The following CORO2B variants were observed in gnomAD, a reference collection of about 807,000 sequenced individuals.
CORO2B encodes coronin 2B.
In CORO2B, 26 loss-of-function variants were observed where a neutral mutation model predicts 58.8. The observed-to-expected ratio is 0.44, with a 90% confidence interval of 0.32 to 0.61. The LOEUF is 0.61. CORO2B is among the 20% of genes least tolerant of loss of function. CORO2B has a pLI of 0.04. For missense variants in CORO2B, 460 were observed against 645.1 expected (o/e 0.71, Z 3.11); for synonymous variants, 242 against 253.8 (o/e 0.95, Z 0.44).
In CORO2B at chr15:68,710,523, C is replaced by G. The variant is rs970268691; in HGVS notation, c.334-209C>G. 6.6e-6 allele frequency among the ~76,000 whole-genome samples: 1 copy of G among 152,202 alleles called. No homozygotes were observed. The highest frequency in any genetic ancestry group is 1.5e-5 in the Non-Finnish European group (1 of 68,028). The stretch of plus-strand genomic sequence containing the variant: ...TGCAGAGACTTCCCAGAGAAAACCT[C>G]CCACAGGCAGAGAGATGGTCTCCTT... On this transcript the variant is annotated intron_variant, in intron 3 of 11. Coordinates refer to ENST00000261861, the MANE Select transcript of CORO2B (RefSeq NM_006091.5). This position sits in a 1 kb window ranked among gnomAD's most constrained non-coding sequence, Gnocchi z 4.1.
At chr15:68,560,896 G>C in the CORO2B span, among the ~76,000 whole-genome samples, 1 of 152,304 alleles carries the variant, frequency 6.6e-6, no homozygotes, top group African/African-American at 2.4e-5. Context: ...CGATCTTGTG[G>C]GGACTTGTGC....
At chr15:68,587,555 T>G (rs1047066034) in intron 1 of CORO2B, among the ~76,000 whole-genome samples, 1 of 152,198 alleles carries the variant, frequency 6.6e-6, no homozygotes, top group South Asian at 2.1e-4. Context: ...GAAATACCAA[T>G]TTAATAGTAG....
At chr15:68,547,366 G>A in the CORO2B span, among the ~76,000 whole-genome samples, 1 of 152,152 alleles carries the variant, frequency 6.6e-6, no homozygotes, top group Non-Finnish European at 1.5e-5. Context: ...AATAGAGCAA[G>A]AAAGTTTATA....
chr15:68,683,195 C>G (rs1159613996), intron 2 of CORO2B, among the ~76,000 whole-genome samples: 1 of 152,194 alleles, frequency 6.6e-6, no homozygotes, highest in South Asian at 2.1e-4. Context: ...AGGCCACCCC[C>G]AGTTGGGATA....
At chr15:68,678,174 G>A (rs1902650453) in intron 2 of CORO2B, among the ~76,000 whole-genome samples, 1 of 152,236 alleles carries the variant, frequency 6.6e-6, no homozygotes, top group Admixed American at 6.5e-5. Context: ...AACACTGGCG[G>A]GGTTAGGACC....
chr15:68,534,040 C>T, the CORO2B span, among the ~76,000 whole-genome samples: 1 of 152,172 alleles, frequency 6.6e-6, no homozygotes, highest in South Asian at 2.1e-4. Flanking sequence ...ACATGTGCCT[C>T]ATAGTTCTCC....
intron 1 of CORO2B, among the ~76,000 whole-genome samples, chr15:68,612,086 C>T (rs1487154391): frequency 2.6e-5 from 4 of 152,310 alleles, no homozygotes; most frequent in Non-Finnish European, 4.4e-5. Context: ...TTTCTACTTT[C>T]AAGAAGCATC....
the CORO2B span, among the ~76,000 whole-genome samples, chr15:68,560,470 A>AT: frequency 4.7e-4 from 72 of 151,670 alleles, no homozygotes; most frequent in Middle Eastern, 3.4e-3. Flanking sequence ...AATTAAAGAC[A>AT]ATTTTTTTTG....
chr15:68,621,514 C>T (rs1900518190), intron 1 of CORO2B, among the ~76,000 whole-genome samples: 2 of 152,146 alleles, frequency 1.3e-5, no homozygotes, highest in African/African-American at 4.8e-5. Flanking sequence ...TCCACACTGG[C>T]CTGAACTGGA....
intron 1 of CORO2B, among the ~76,000 whole-genome samples, chr15:68,592,111 C>A (rs1475528769): frequency 6.6e-6 from 1 of 152,158 alleles, no homozygotes; most frequent in Non-Finnish European, 1.5e-5. Flanking sequence ...CAGTGTGTCT[C>A]CTTCTGCGCC....
At chr15:68,563,085 T>C in the CORO2B span, among the ~76,000 whole-genome samples, 73,872 of 151,198 alleles carry the variant, frequency 0.49, 19,034 homozygotes, top group East Asian at 0.79. Context: ...TAAATTCTTA[T>C]AAAGGAAGAA....
the CORO2B span, among the ~76,000 whole-genome samples, chr15:68,545,183 A>T: frequency 6.6e-6 from 1 of 152,152 alleles, no homozygotes; most frequent in Non-Finnish European, 1.5e-5. Flanking sequence ...TGGAGGAAAA[A>T]CTGGGAGATG....
At chr15:68,647,665 G>C (rs1901479465) in intron 2 of CORO2B, among the ~76,000 whole-genome samples, 1 of 140,484 alleles carries the variant, frequency 7.1e-6, no homozygotes, top group African/African-American at 2.8e-5. Context: ...CTCCAGCCTG[G>C]GCAACAAGAT....
intron 1 of CORO2B, among the ~76,000 whole-genome samples, chr15:68,635,770 G>A (rs1901015316): frequency 6.6e-6 from 1 of 152,328 alleles, no homozygotes. Context: ...CCTGCAAATA[G>A]GGGGATGGAC....
chr15:68,715,238 C>T lies in CORO2B; in HGVS notation c.894C>T (p.Tyr298=), dbSNP rs141982749. Residue 298 remains tyrosine, a synonymous_variant, in exon 8 of 12, where the codon TAC becomes TAT. Transcript: ENST00000261861. ...AGGGTGATGGAAACATCCGGTACTA[C>T]GAGATCAGCACTGAGAAGCCCTACC... ...AGKGDGNIRY[Y]EISTEKPYLS... 7.5e-5 allele frequency: 121 copies of T among 1,613,918 alleles called. No homozygotes were observed. The highest frequency in any genetic ancestry group is 1.5e-4 in the African/African-American group (11 of 74,916).
chr15:68,562,833 C>T, the CORO2B span, among the ~76,000 whole-genome samples: 10 of 151,718 alleles, frequency 6.6e-5, no homozygotes, highest in South Asian at 4.2e-4. Flanking sequence ...AAAAATTAGC[C>T]GGGCGTGGTG....
At chr15:68,564,339 T>C in the CORO2B span, among the ~76,000 whole-genome samples, 3 of 151,958 alleles carry the variant, frequency 2.0e-5, no homozygotes, top group African/African-American at 7.3e-5. Context: ...GGTCTCACTC[T>C]ATTGCCCAGG....
intron 1 of CORO2B, 46 bp downstream of exon 1, chr15:68,579,323 A>AT: frequency 7.9e-7 from 1 of 1,267,018 alleles, no homozygotes; most frequent in Non-Finnish European, 1.0e-6. Context: ...CGGCGCCTGC[A>AT]TCCCCCGGGC....
chr15:68,690,646 C>CTTTTTTTTTT (rs765999578), intron 2 of CORO2B, among the ~76,000 whole-genome samples: 2 of 102,874 alleles, frequency 1.9e-5, no homozygotes, highest in South Asian at 3.0e-4. Context: ...CGTTAGCTTT[C>CTTTTTTTTTT]TTTTTTTTTT....
Sources: gnomAD v4.1 joint callset for allele counts (sites outside exome capture counted in the v4.1 genomes callset) on GRCh38, gnomAD v4.1.1 for gene constraint, Gnocchi (gnomAD v3.1) non-coding constraint, MANE v1.5 for transcripts, NCBI Gene and HGNC (gene_info 2026-07-23, HGNC 2026-07-21) for gene names.